FAM20C: variants seen among roughly 807,000 people sequenced by gnomAD.
The protein encoded by FAM20C is extracellular serine/threonine protein kinase FAM20C.
FAM20C carries 40 observed loss-of-function variants against 51.5 expected under a neutral mutation model. That is an observed-to-expected ratio of 0.78 (90% CI 0.60 to 1.01). The LOEUF (loss-of-function observed/expected upper bound fraction) is 1.01. FAM20C is among the 50% of genes least tolerant of loss of function. FAM20C has a pLI of 0.00. For synonymous variants in FAM20C, 406 were observed against 380.6 expected, an observed-to-expected ratio of 1.07 and a Z score of -0.78; for missense variants, 861 against 844.7, an observed-to-expected ratio of 1.02 and a Z score of -0.24.
intron 3 of FAM20C, among the ~76,000 whole-genome samples, chr7:244,878 G>A (rs1562391492): frequency 6.6e-6 from 1 of 152,218 alleles, no homozygotes; most frequent in Non-Finnish European, 1.5e-5. Context: ...GGCCGTGGGT[G>A]GTACACATCT....
intron 8 of FAM20C, chr7:257,353 C>A: frequency 2.0e-6 from 1 of 502,454 alleles, no homozygotes. Flanking sequence ...GAAACGGAGG[C>A]CAGGAGAGGC....
intron 3 of FAM20C, among the ~76,000 whole-genome samples, chr7:234,303 G>A (rs1178135979): frequency 6.6e-6 from 1 of 152,382 alleles, no homozygotes; most frequent in African/African-American, 2.4e-5. Flanking sequence ...TTACAAGGGC[G>A]ACAAGCCCAG....
chr7:205,335 C>T (rs1322477740), intron 2 of FAM20C, among the ~76,000 whole-genome samples: 2 of 151,062 alleles, frequency 1.3e-5, no homozygotes, highest in East Asian at 1.9e-4. Flanking sequence ...GCCGGGACCA[C>T]GGACACGCAC....
intron 1 of FAM20C, among the ~76,000 whole-genome samples, chr7:194,755 C>G (rs566201380): frequency 6.6e-6 from 1 of 150,786 alleles, no homozygotes; most frequent in African/African-American, 2.5e-5. Flanking sequence ...CAGCGAGTGG[C>G]CAGGAAGTGT....
chr7:260,703 G>A lies in FAM20C; in HGVS notation c.*723G>A, dbSNP rs1476444181. ...GACCTTTGCAGAGTTTTGTGGAATA[G>A]TTTGCAATGTCATAAAAGTGCAATA... is the stretch of plus-strand genomic sequence containing the variant. On this transcript the variant is annotated 3_prime_UTR_variant, in exon 10 of 10. Transcript: ENST00000313766. 1 of 152,320 alleles carries A rather than the reference G, an allele frequency of 6.6e-6. No individual in the cohort carries two copies. Among genetic ancestry groups the A allele is most frequent in the Admixed American group, 6.5e-5 (1 of 15,290 alleles). The allele number at this position is 152,320 out of a possible 1,614,324, so 9.4% of individuals were successfully genotyped here. A position where few individuals can be genotyped will look rare whatever the true frequency, so the allele number is the denominator to read the frequency against.
intron 5 of FAM20C, among the ~76,000 whole-genome samples, chr7:252,449 G>A (rs1187382836): frequency 8.0e-6 from 1 of 124,496 alleles, no homozygotes; most frequent in Admixed American, 8.2e-5. Context: ...AGAGCACATT[G>A]GAGGGCTGAG....
At chr7:208,505 GTGTA>G (rs899027842) in intron 2 of FAM20C, among the ~76,000 whole-genome samples, 4 of 111,442 alleles carry the variant, frequency 3.6e-5, no homozygotes, top group African/African-American at 1.1e-4. Context: ...ATGTGTGTGA[GTGTA>G]TGTAGGTGTG....
At chr7:246,992 G>A (rs1030256847) in intron 4 of FAM20C, among the ~76,000 whole-genome samples, 7 of 152,162 alleles carry the variant, frequency 4.6e-5, no homozygotes, top group South Asian at 2.1e-4. Context: ...GCTGCTGTGC[G>A]GTCGGTAATA....
At chr7:244,901 A>T (rs769133609) in intron 3 of FAM20C, among the ~76,000 whole-genome samples, 1 of 152,230 alleles carries the variant, frequency 6.6e-6, no homozygotes, top group Non-Finnish European at 1.5e-5. Context: ...AACCCCCCAT[A>T]AGAAACGTTC....
chr7:248,713 C>T (rs1445250790), intron 5 of FAM20C, among the ~76,000 whole-genome samples: 1 of 147,432 alleles, frequency 6.8e-6, no homozygotes, highest in African/African-American at 2.5e-5. Context: ...CCGCATTCAT[C>T]TCTCCAGGTA....
At chr7:220,483 CGAA>C (rs1255074847) in intron 3 of FAM20C, among the ~76,000 whole-genome samples, 2 of 152,162 alleles carry the variant, frequency 1.3e-5, no homozygotes, top group Non-Finnish European at 2.9e-5. Flanking sequence ...GGGACTGAAA[CGAA>C]GGAGCATGGC....
At chr7:236,191 G>A (rs1039191270) in intron 3 of FAM20C, among the ~76,000 whole-genome samples, 3 of 150,818 alleles carry the variant, frequency 2.0e-5, no homozygotes, top group Non-Finnish European at 4.4e-5. Context: ...GTGCAGAAGG[G>A]AGGCTGAGCG....
rs1193138044 is a variant in FAM20C at position 193,755 on chromosome 7, G to A, written c.556G>A (p.Val186Met). 1.3e-6 allele frequency: 2 copies of A among 1,549,806 alleles called. No individual in the cohort carries two copies. The highest frequency in any genetic ancestry group is 2.4e-5 in the South Asian group (2 of 84,022). ...CACGGAGGAGGACGTCCTGTTCAAT[G>A]TGAACAGCGACACCAGGCTCAGCCC... ...PLTEEDVLFNVNSDTRLSPKA... is the reference protein window; with the variant it reads ...PLTEEDVLFNMNSDTRLSPKA... The change falls in exon 1 of 10, where the codon GTG (valine) becomes ATG (methionine). Residue 186 changes from valine to methionine, a missense_variant. Val to Met is a conservative substitution (Grantham distance 21). Coordinates refer to ENST00000313766, the MANE Select transcript of FAM20C (RefSeq NM_020223.4).
intron 3 of FAM20C, among the ~76,000 whole-genome samples, chr7:210,372 G>C (rs542365708): frequency 6.6e-6 from 1 of 152,300 alleles, no homozygotes; most frequent in Non-Finnish European, 1.5e-5. Flanking sequence ...GGGTCTCCTG[G>C]GTTACGTGAA....
Position 193,068 on chromosome 7 carries a change from C to A in FAM20C, c.-132C>A. ...CCTGCACGCGGCCCGGGCCCGGGGA[C>A]AGCCCCGGAGCTGGTAGCCGCCCGG... On this transcript the variant is annotated 5_prime_UTR_variant, in exon 1 of 10. Coordinates refer to ENST00000313766, the MANE Select transcript of FAM20C (RefSeq NM_020223.4). 1.5e-6 allele frequency: 1 copy of A among 684,626 alleles called. No individual in the cohort carries two copies. The highest frequency in any genetic ancestry group is 1.9e-6 in the Non-Finnish European group (1 of 515,286). 42.4% of individuals were successfully genotyped at this position (684,626 alleles called of 1,614,324 possible).
In FAM20C at chr7:248,340, C is replaced by T. The variant is rs797044462; in HGVS notation, c.982C>T (p.Pro328Ser). The T allele has an allele frequency of 6.5e-7, 1 of 1,537,014 alleles. No homozygotes were observed. The highest frequency in any genetic ancestry group is 2.4e-5 in the East Asian group (1 of 40,906). The change falls in exon 5 of 10, where the codon CCC (proline) becomes TCC (serine). Residue 328 changes from proline (P) to serine (S), a missense_variant. Physicochemically the swap from Pro to Ser is moderately conservative, Grantham distance 74 (BLOSUM62 -1). This residue lies in a region of FAM20C where 561 missense variants were observed against 499.8 expected (regional missense o/e 1.12). Transcript: ENST00000313766. ...GATCCTGGACTTCCGCCGGGTCCCTCCCGTGGCCGGCAGGATGGTCAACAT... is the reference window on the plus strand; with the variant it reads ...GATCCTGGACTTCCGCCGGGTCCCTTCCGTGGCCGGCAGGATGGTCAACAT... ...DRILDFRRVP[P>S]VAGRMVNMTK... is the part of the protein sequence containing the mutation.
At chr7:227,322 G>A (rs534468839) in intron 3 of FAM20C, among the ~76,000 whole-genome samples, 1 of 152,156 alleles carries the variant, frequency 6.6e-6, no homozygotes, top group Non-Finnish European at 1.5e-5. Context: ...ATGGAAGCCA[G>A]GGGATTTCAT....
chr7:193,063 G>A lies in FAM20C; in HGVS notation c.-137G>A, dbSNP rs1226196742. 7 of 644,502 alleles carry A rather than the reference G, an allele frequency of 1.1e-5. No individual in the cohort carries two copies. Among genetic ancestry groups the A allele is most frequent in the East Asian group, 5.3e-5 (1 of 18,924 alleles). The allele number at this position is 644,502 out of a possible 1,614,324, so 39.9% of individuals were successfully genotyped here. A position where few individuals can be genotyped will look rare whatever the true frequency, so the allele number is the denominator to read the frequency against. ...GGCGCCCTGCACGCGGCCCGGGCCC[G>A]GGGACAGCCCCGGAGCTGGTAGCCG... On this transcript the variant is annotated 5_prime_UTR_variant, in exon 1 of 10. Coordinates refer to ENST00000313766, the MANE Select transcript of FAM20C (RefSeq NM_020223.4).
chr7:243,796 A>C (rs940795445), intron 3 of FAM20C, among the ~76,000 whole-genome samples: 1 of 152,168 alleles, frequency 6.6e-6, no homozygotes, highest in Admixed American at 6.5e-5. Context: ...TCTGCAGTGG[A>C]TGTCCCAGGA....
Sources: gnomAD v4.1 joint callset for allele counts (sites outside exome capture counted in the v4.1 genomes callset) on GRCh38, gnomAD v4.1.1 for gene constraint, gnomAD v4.1.1 regional missense constraint, MANE v1.5 for transcripts, NCBI Gene and HGNC (gene_info 2026-07-23, HGNC 2026-07-21) for gene names.